DYNC2H1: variants seen among roughly 807,000 people sequenced by gnomAD.
DYNC2H1 encodes the protein dynein cytoplasmic 2 heavy chain 1, also known as cytoplasmic dynein 2 heavy chain 1.
In DYNC2H1, 410 loss-of-function variants were observed where a neutral mutation model predicts 570.0. The observed-to-expected ratio is 0.72, with a 90% CI of 0.66 to 0.78. The LOEUF is 0.78. DYNC2H1 is among the 30% of genes least tolerant of loss of function. DYNC2H1 has a pLI of 0.00. For synonymous variants in DYNC2H1, 1,688 were observed against 1,677.6 expected (o/e 1.01, Z -0.15); for missense variants, 4,865 against 5,046.4 (o/e 0.96, Z 1.09).
At chr11:103,379,758 C>A (rs1941559536) in intron 83 of DYNC2H1, among the ~76,000 whole-genome samples, 1 of 152,174 alleles carries the variant, frequency 6.6e-6, no homozygotes, top group South Asian at 2.1e-4. Flanking sequence ...AATGCTCTTT[C>A]CTTCTCCTGG....
Position 103,176,346 on chromosome 11 carries a change from T to C in DYNC2H1, c.5786T>C (p.Ile1929Thr), listed in dbSNP as rs2134988923. The change falls in exon 37 of 89, where the codon ATT (isoleucine) becomes ACT (threonine). Residue 1929 changes from isoleucine (I) to threonine (T), a missense_variant. Ile to Thr is a moderately conservative substitution (Grantham distance 89). Around this residue, in one of 5 missense-constraint regions of DYNC2H1, gnomAD observed 292 missense variants for 300.2 expected, o/e 0.97. Coordinates refer to ENST00000375735, the MANE Select transcript of DYNC2H1 (RefSeq NM_001377.3). Reference sequence around the variant, plus strand: ...CTGATAAAAGATGTCTTTCCGGGAATTGAATTGAAAGAAGTGGAATATGAT... The same window carrying C: ...CTGATAAAAGATGTCTTTCCGGGAACTGAATTGAAAGAAGTGGAATATGAT... ...DALIKDVFPG[I>T]ELKEVEYDEL... 1 of 1,588,058 alleles carries C rather than the reference T, an allele frequency of 6.3e-7. No homozygotes were observed.
At chr11:103,216,260 C>T (rs1454657543) in intron 55 of DYNC2H1, among the ~76,000 whole-genome samples, 3 of 151,984 alleles carry the variant, frequency 2.0e-5, no homozygotes, top group Admixed American at 1.3e-4. Flanking sequence ...TTTATTCTTT[C>T]AGTACTTTCA....
intron 84 of DYNC2H1, among the ~76,000 whole-genome samples, chr11:103,419,680 G>A (rs1943412637): frequency 6.6e-6 from 1 of 151,924 alleles, no homozygotes; most frequent in South Asian, 2.1e-4. Context: ...AGATGAGAAA[G>A]AATCAATGCA....
At chr11:103,215,302 T>C (rs889132708) in intron 54 of DYNC2H1, among the ~76,000 whole-genome samples, 3 of 152,206 alleles carry the variant, frequency 2.0e-5, no homozygotes, top group Non-Finnish European at 4.4e-5. Context: ...TTTTGGACTT[T>C]ATTATGTTGA....
chr11:103,459,175 G>A (rs1182025643), intron 87 of DYNC2H1, among the ~76,000 whole-genome samples: 4 of 149,102 alleles, frequency 2.7e-5, no homozygotes, highest in African/African-American at 7.3e-5. Context: ...CGGGCGTAGT[G>A]GCGGGCGCCT....
chr11:103,318,545 A>G (rs553817881), intron 80 of DYNC2H1, among the ~76,000 whole-genome samples: 4 of 152,274 alleles, frequency 2.6e-5, no homozygotes, highest in African/African-American at 7.2e-5. Context: ...GTTGATGGAC[A>G]TGCTGGTAGT....
rs534150473 is a variant in DYNC2H1 at position 103,396,330 on chromosome 11, C to T, written c.12157-3333C>T. On this transcript the variant is annotated intron_variant, in intron 83 of 88. Coordinates refer to ENST00000375735, the MANE Select transcript of DYNC2H1 (RefSeq NM_001377.3). ...AGCCTGCTGCTAGTTTTTGTAAATA[C>T]AGTTCTATTAAAACCCAGTCATACC... 4.8e-4 allele frequency among the ~76,000 whole-genome samples: 73 copies of T among 152,292 alleles called. No homozygotes were observed. The Middle Eastern group carries it at 0.02, about 43-fold the overall frequency.
chr11:103,233,857 TGTGTGTGTGTGTGTGTGTGTGG>T (rs1461626728), intron 60 of DYNC2H1, among the ~76,000 whole-genome samples, 155 bp from the exon 61 acceptor site: 12 of 112,610 alleles, frequency 1.1e-4, no homozygotes, highest in South Asian at 2.9e-4. Flanking sequence ...TGTGTGTGTG[TGTGTGTGTGTGTGTGTGTGTGG>T]GTTTGTCTCT....
At position 103,261,974 on chromosome 11, in the gene DYNC2H1, A is replaced by C. The variant is rs1371917591; in HGVS notation, c.10695+1997A>C. 6.6e-6 allele frequency among the ~76,000 whole-genome samples: 1 copy of C among 152,224 alleles called. No individual in the cohort carries two copies. Among genetic ancestry groups the C allele is most frequent in the Non-Finnish European group, 1.5e-5 (1 of 68,040 alleles). On this transcript the variant is annotated intron_variant, in intron 70 of 88. Coordinates refer to ENST00000375735, the MANE Select transcript of DYNC2H1 (RefSeq NM_001377.3). This position sits in a 1 kb window ranked among gnomAD's most constrained non-coding sequence, Gnocchi z 4.8. ...TTGAAAAAAGGTTAGAGGAATTGCT[A>C]ACTAGAATAACCAGTTTAGAGAAGA...
At chr11:103,448,664 TAAG>T (rs1361765027) in intron 85 of DYNC2H1, among the ~76,000 whole-genome samples, 2 of 152,304 alleles carry the variant, frequency 1.3e-5, no homozygotes, top group Admixed American at 6.5e-5. Context: ...AATCTGGAGA[TAAG>T]AAATGCCAGA....
chr11:103,164,573 C>T (rs540323757), intron 30 of DYNC2H1, among the ~76,000 whole-genome samples: 1 of 152,212 alleles, frequency 6.6e-6, no homozygotes, highest in East Asian at 1.9e-4. Context: ...AAGAATCTGA[C>T]TTTGGTTTAA....
At chr11:103,233,404 T>C (rs1377273190) in intron 60 of DYNC2H1, among the ~76,000 whole-genome samples, 1 of 151,688 alleles carries the variant, frequency 6.6e-6, no homozygotes, top group African/African-American at 2.4e-5. Context: ...TTTAATAAAA[T>C]CACACACATA....
rs139402264 is a variant in DYNC2H1 at position 103,448,182 on chromosome 11, A to AG, written c.12457-7003dup. On this transcript the variant is annotated intron_variant, in intron 85 of 88. Coordinates refer to ENST00000375735, the MANE Select transcript of DYNC2H1 (RefSeq NM_001377.3). Reference sequence around the variant, plus strand: ...TTAGGATATTACGTTTAAGGATAATAGTAAGCAAATCGGGGGAGGTTGGGG... The same window carrying AG: ...TTAGGATATTACGTTTAAGGATAATAGGTAAGCAAATCGGGGGAGGTTGGGG... Among the ~76,000 whole-genome samples, 38 of 152,292 alleles carry AG rather than the reference A, an allele frequency of 2.5e-4. No individual in the cohort carries two copies. The East Asian group carries it at 6.4e-3, about 26-fold the overall frequency.
chr11:103,237,065 C>T (rs7937512), intron 63 of DYNC2H1, among the ~76,000 whole-genome samples: 3,328 of 151,886 alleles, frequency 0.022, 107 homozygotes, highest in African/African-American at 0.074. Context: ...AGTGTGAAAA[C>T]CAAATTCAAA....
chr11:103,352,672 G>T (rs1190331120), intron 82 of DYNC2H1, among the ~76,000 whole-genome samples: 3 of 152,132 alleles, frequency 2.0e-5, no homozygotes, highest in Admixed American at 1.3e-4. Context: ...GTGCTTGAAA[G>T]AATGTTCTTG....
intron 83 of DYNC2H1, 48 bp downstream of exon 83, chr11:103,358,407 C>A: frequency 7.9e-7 from 1 of 1,266,948 alleles, no homozygotes; most frequent in South Asian, 1.3e-5. Flanking sequence ...TCTCCCGCAT[C>A]GTAACCATGT....
At chr11:103,152,831 G>A (rs1349946477) in intron 21 of DYNC2H1, among the ~76,000 whole-genome samples, 1 of 152,114 alleles carries the variant, frequency 6.6e-6, no homozygotes. Flanking sequence ...GGCAGCATCT[G>A]TCTTTTAAAG....
intron 45 of DYNC2H1, among the ~76,000 whole-genome samples, chr11:103,191,218 T>G (rs1217160492): frequency 1.3e-5 from 2 of 151,842 alleles, no homozygotes; most frequent in Non-Finnish European, 2.9e-5. Context: ...TTTTATATTT[T>G]TTTTAGAGAC....
chr11:103,265,124 C>A (rs981209106), intron 70 of DYNC2H1, among the ~76,000 whole-genome samples: 1 of 152,116 alleles, frequency 6.6e-6, no homozygotes, highest in African/African-American at 2.4e-5. Context: ...GAAAACCAAA[C>A]ACCACATGTT....
Sources: gnomAD v4.1 joint callset for allele counts (sites outside exome capture counted in the v4.1 genomes callset) on GRCh38, gnomAD v4.1.1 for gene constraint, gnomAD v4.1.1 regional missense constraint, Gnocchi (gnomAD v3.1) non-coding constraint, MANE v1.5 for transcripts, NCBI Gene and HGNC (gene_info 2026-07-23, HGNC 2026-07-21) for gene names.